Variants in UNC13C observed in about 807,000 individuals in gnomAD.
UNC13C encodes unc-13 homolog C, also known as protein unc-13 homolog C.
UNC13C carries 174 observed loss-of-function variants against 245.4 expected under a neutral mutation model. The ratio of observed to expected loss-of-function variants is 0.71; its 90% confidence interval spans 0.63 to 0.80. UNC13C has a LOEUF of 0.80. Ranked by LOEUF, UNC13C falls within the 30% of genes least tolerant of loss-of-function variation. The pLI, the probability that UNC13C is intolerant of heterozygous loss-of-function variation, is 0.00. For missense variants in UNC13C, 2,829 were observed against 2,602.9 expected (o/e 1.09, Z -1.89); for synonymous variants, 992 against 895.1 (o/e 1.11, Z -1.93).
At chr15:54,570,788 T>A (rs1897720905) in intron 30 of UNC13C, among the ~76,000 whole-genome samples, 1 of 152,250 alleles carries the variant, frequency 6.6e-6, no homozygotes, top group Admixed American at 6.5e-5. Flanking sequence ...TACTTATTTC[T>A]GTAACAAATC....
At chr15:53,983,348 G>T (rs1470214789) in intron 1 of UNC13C, among the ~76,000 whole-genome samples, 1 of 151,802 alleles carries the variant, frequency 6.6e-6, no homozygotes, top group African/African-American at 2.4e-5. Flanking sequence ...AAAGAGGGCT[G>T]CAGGGAGCTC....
At chr15:54,131,987 C>T (rs890457964) in intron 2 of UNC13C, among the ~76,000 whole-genome samples, 1 of 152,130 alleles carries the variant, frequency 6.6e-6, no homozygotes, top group South Asian at 2.1e-4. Flanking sequence ...TAGAGGATCT[C>T]TTCTCTGTGC....
intron 25 of UNC13C, among the ~76,000 whole-genome samples, chr15:54,527,552 A>T (rs1324441592): frequency 6.6e-6 from 1 of 152,102 alleles, no homozygotes; most frequent in Non-Finnish European, 1.5e-5. Context: ...TTGTTTGGGG[A>T]GGTGGAATAT....
chr15:53,973,252 T>C (rs1241467838), upstream of UNC13C, among the ~76,000 whole-genome samples: 1 of 152,082 alleles, frequency 6.6e-6, no homozygotes, highest in Non-Finnish European at 1.5e-5. Flanking sequence ...GAGGGCAGAT[T>C]ATAGTAGAAA....
chr15:54,014,231 A>G lies in UNC13C; in HGVS notation c.1328A>G (p.Lys443Arg). 6.2e-7 allele frequency: 1 copy of G among 1,613,950 alleles called. No individual in the cohort carries two copies. The highest frequency in any genetic ancestry group is 8.5e-7 in the Non-Finnish European group (1 of 1,179,840). Residue 443 changes from lysine (K) to arginine (R), a missense_variant, in exon 2 of 33, where the codon AAG becomes AGG. Transcript: ENST00000260323. ...KLSTPEPKIK[K>R]NNWQSPDDSD... Reference sequence around the variant, plus strand: ...TCTACTCCAGAGCCAAAAATCAAGAAGAACAATTGGCAGTCACCTGATGAC... The same window carrying G: ...TCTACTCCAGAGCCAAAAATCAAGAGGAACAATTGGCAGTCACCTGATGAC...
At position 54,150,443 on chromosome 15, in the gene UNC13C, C is replaced by T. The variant is rs144714689; in HGVS notation, c.3071+6759C>T. Among the ~76,000 whole-genome samples the T allele has an allele frequency of 5.3e-3, 808 of 152,296 alleles. 11 individuals are homozygous for T. The highest frequency in any genetic ancestry group is 0.019 in the African/African-American group (776 of 41,572). ...CTCAGCACACTGTCTGCAGTCCTCA[C>T]GCAGAGCAAGCACATAATGTCCTAT... On this transcript the variant is annotated intron_variant, in intron 4 of 32. Transcript: ENST00000260323.
chr15:54,481,952 G>GA (rs1893144145), intron 19 of UNC13C, among the ~76,000 whole-genome samples: 1 of 152,162 alleles, frequency 6.6e-6, no homozygotes, highest in South Asian at 2.1e-4. Flanking sequence ...CAAGGCCCTT[G>GA]AAGGCACTTG....
rs567751863 is a variant in UNC13C, at chr15:54,231,811, T to C, written c.3072-3219T>C. 3.0e-4 allele frequency among the ~76,000 whole-genome samples: 45 copies of C among 152,248 alleles called. 1 individual carries two copies. The South Asian group carries it at 5.2e-3, about 18-fold the overall frequency. On this transcript the variant is annotated intron_variant, in intron 4 of 32. Transcript: ENST00000260323. Reference sequence around the variant, plus strand: ...GTTACTTGTCTGCTATGGTCTGTTCTGATAACTTCATCTGACTTCTTGTTC... The same window carrying C: ...GTTACTTGTCTGCTATGGTCTGTTCCGATAACTTCATCTGACTTCTTGTTC...
chr15:54,299,679 A>G (rs2037525885), intron 12 of UNC13C, among the ~76,000 whole-genome samples: 1 of 152,160 alleles, frequency 6.6e-6, no homozygotes, highest in Admixed American at 6.6e-5. Flanking sequence ...TACATTCTTC[A>G]GCCTCATCTC....
intron 20 of UNC13C, among the ~76,000 whole-genome samples, chr15:54,498,038 A>G (rs1894035094): frequency 6.6e-6 from 1 of 152,146 alleles, no homozygotes; most frequent in Non-Finnish European, 1.5e-5. Context: ...CAATGAATTG[A>G]AAAACCAGAC....
intron 19 of UNC13C, among the ~76,000 whole-genome samples, chr15:54,463,220 G>A (rs959762163): frequency 7.6e-6 from 1 of 131,382 alleles, no homozygotes; most frequent in Non-Finnish European, 1.6e-5. Context: ...CAGTAAAATG[G>A]GCCAATCGGC....
chr15:54,485,793 G>A (rs1430251081), intron 19 of UNC13C, among the ~76,000 whole-genome samples: 1 of 151,994 alleles, frequency 6.6e-6, no homozygotes, highest in Non-Finnish European at 1.5e-5. Flanking sequence ...TTTTTTGCTT[G>A]AGGGCCATTT....
chr15:53,968,946 C>A, the UNC13C span, among the ~76,000 whole-genome samples: 1 of 152,184 alleles, frequency 6.6e-6, no homozygotes, highest in Non-Finnish European at 1.5e-5. Flanking sequence ...TTCCTACAAT[C>A]CCCACAATCC....
At chr15:54,051,228 TA>T in intron 2 of UNC13C, among the ~76,000 whole-genome samples, 1 of 152,324 alleles carries the variant, frequency 6.6e-6, no homozygotes, top group South Asian at 2.1e-4. Context: ...TTTTTTCTAA[TA>T]TTTTTATAAC....
At chr15:54,489,867 GT>G (rs1419063507) in intron 19 of UNC13C, among the ~76,000 whole-genome samples, 2 of 152,048 alleles carry the variant, frequency 1.3e-5, no homozygotes, top group African/African-American at 4.8e-5. Flanking sequence ...TTTCCTTTTT[GT>G]TTGTACTGTC....
intron 19 of UNC13C, among the ~76,000 whole-genome samples, chr15:54,436,734 G>A (rs562416761): frequency 2.0e-5 from 3 of 151,934 alleles, no homozygotes; most frequent in South Asian, 4.2e-4. Flanking sequence ...AAACCTAGAT[G>A]ATGGGTTGAT....
intron 4 of UNC13C, among the ~76,000 whole-genome samples, chr15:54,207,099 C>T (rs1358724472): frequency 1.3e-5 from 2 of 151,076 alleles, no homozygotes; most frequent in Non-Finnish European, 3.0e-5. Flanking sequence ...GTAGCAGTGG[C>T]ACTTTATTGA....
chr15:54,575,241 G>C (rs1257803957), intron 30 of UNC13C, among the ~76,000 whole-genome samples: 1 of 152,100 alleles, frequency 6.6e-6, no homozygotes, highest in Non-Finnish European at 1.5e-5. Context: ...TCACCATGTT[G>C]GCCAGGCTGG....
At chr15:54,491,104 T>A (rs1487498822) in intron 19 of UNC13C, among the ~76,000 whole-genome samples, 1 of 152,216 alleles carries the variant, frequency 6.6e-6, no homozygotes, top group Admixed American at 6.5e-5. Flanking sequence ...ATGCCTCACA[T>A]GCAACCTGGG....
Sources: gnomAD v4.1 joint callset for allele counts (sites outside exome capture counted in the v4.1 genomes callset) on GRCh38, gnomAD v4.1.1 for gene constraint, MANE v1.5 for transcripts, NCBI Gene and HGNC (gene_info 2026-07-23, HGNC 2026-07-21) for gene names.